The following HS3ST4 variants were observed in gnomAD, a reference collection of about 807,000 sequenced individuals.
The protein encoded by HS3ST4 is heparan sulfate-glucosamine 3-sulfotransferase 4, also known as heparan sulfate glucosamine 3-O-sulfotransferase 4.
A neutral mutation model predicts 29.2 loss-of-function variants in HS3ST4; 17 were observed. The observed-to-expected ratio is 0.58, with a 90% confidence interval of 0.40 to 0.87. HS3ST4 has a LOEUF of 0.87. Ranked by LOEUF, HS3ST4 falls within the 40% of genes least tolerant of loss-of-function variation. The probability of loss-of-function intolerance (pLI) is 0.00; values close to 1 mark genes in which losing one functional copy is unlikely to be tolerated. For missense variants in HS3ST4, 627 were observed against 634.5 expected (o/e 0.99, Z 0.13); for synonymous variants, 314 against 285.7 (o/e 1.10, Z -1.00).
chr16:25,964,148 C>A (rs1310971761), intron 1 of HS3ST4, among the ~76,000 whole-genome samples: 6 of 150,742 alleles, frequency 4.0e-5, no homozygotes, highest in Admixed American at 3.3e-4. Context: ...GCACTCCAGC[C>A]TGAGTGACAA....
chr16:25,946,856 G>C (rs1187141951), intron 1 of HS3ST4, among the ~76,000 whole-genome samples: 1 of 152,102 alleles, frequency 6.6e-6, no homozygotes, highest in Non-Finnish European at 1.5e-5. Context: ...AGGAAGGCAG[G>C]TGCAAAAGTC....
At chr16:25,722,227 A>G (rs138180878) in intron 1 of HS3ST4, among the ~76,000 whole-genome samples, 3 of 152,318 alleles carry the variant, frequency 2.0e-5, no homozygotes, top group African/African-American at 7.2e-5. Flanking sequence ...TTACAGTGCA[A>G]ATGGTTTTCA....
chr16:25,719,614 T>G (rs1462569088), intron 1 of HS3ST4, among the ~76,000 whole-genome samples: 1 of 152,224 alleles, frequency 6.6e-6, no homozygotes, highest in African/African-American at 2.4e-5. Context: ...TATAGTTTGT[T>G]GCAGCATGAA....
chr16:25,718,848 G>T (rs943436433), intron 1 of HS3ST4, among the ~76,000 whole-genome samples: 2 of 152,234 alleles, frequency 1.3e-5, no homozygotes, highest in African/African-American at 4.8e-5. Flanking sequence ...TGGTGATTTT[G>T]CACAGGGAGT....
At chr16:26,109,812 A>C (rs1406596023) in intron 1 of HS3ST4, among the ~76,000 whole-genome samples, 2 of 151,908 alleles carry the variant, frequency 1.3e-5, no homozygotes. Flanking sequence ...AGTATTTATC[A>C]CATACAATGT....
At position 25,742,788 on chromosome 16, in the gene HS3ST4, C is replaced by A. The variant is rs181148373; in HGVS notation, c.734+49637C>A. On this transcript the variant is annotated intron_variant, in intron 1 of 1. Transcript: ENST00000331351. ...GTATCTGCCATCCTCTGCTTTCAAC[C>A]TTCTCAAATATGAATGCTTCATAAC... 6.6e-5 allele frequency among the ~76,000 whole-genome samples: 10 copies of A among 152,300 alleles called. No homozygotes were observed. The East Asian group carries it at 1.5e-3, about 24-fold the overall frequency.
chr16:26,085,245 A>G (rs1447703879), intron 1 of HS3ST4, among the ~76,000 whole-genome samples: 1 of 152,204 alleles, frequency 6.6e-6, no homozygotes, highest in East Asian at 1.9e-4. Flanking sequence ...CACAACAGTA[A>G]CACCCACTTC....
At chr16:26,059,163 A>T (rs1196038095) in intron 1 of HS3ST4, among the ~76,000 whole-genome samples, 1 of 152,216 alleles carries the variant, frequency 6.6e-6, no homozygotes, top group Admixed American at 6.5e-5. Context: ...AGGCGATGGC[A>T]GAGTGGAGGC....
At chr16:25,754,327 C>A (rs1183243063) in intron 1 of HS3ST4, among the ~76,000 whole-genome samples, 1 of 151,760 alleles carries the variant, frequency 6.6e-6, no homozygotes, top group Non-Finnish European at 1.5e-5. Flanking sequence ...CATCCATCCA[C>A]CCACCCACCC....
At chr16:25,903,342 TTATATATATGTATATGTATATCTTA>T (rs1306869550) in intron 1 of HS3ST4, among the ~76,000 whole-genome samples, 36 of 141,708 alleles carry the variant, frequency 2.5e-4, no homozygotes, top group Non-Finnish European at 3.8e-4. Context: ...TATGTATATA[TTATATATATGTATATGTATATCTTA>T]TATATATATA....
In HS3ST4 at chr16:25,692,351, G is replaced by T; in HGVS notation, c.-67G>T. Reference sequence around the variant, plus strand: ...GGCGGCGGCGGCGGGGGCGGCGGCTGAAACCATGTCCGGGCAGCGCCGGGG... The same window carrying T: ...GGCGGCGGCGGCGGGGGCGGCGGCTTAAACCATGTCCGGGCAGCGCCGGGG... On this transcript the variant is annotated 5_prime_UTR_variant, in exon 1 of 2. The change creates a premature stop within an existing upstream ORF in the 5' untranslated region. Transcript: ENST00000331351. The T allele has an allele frequency of 5.4e-6, 1 of 185,646 alleles. No individual in the cohort carries two copies. Among genetic ancestry groups the T allele is most frequent in the Non-Finnish European group, 9.4e-6 (1 of 105,880 alleles). The allele number at this position is 185,646 out of a possible 1,614,324, so 11.5% of individuals were successfully genotyped here.
At chr16:25,955,770 A>C (rs1362606010) in intron 1 of HS3ST4, among the ~76,000 whole-genome samples, 3 of 151,454 alleles carry the variant, frequency 2.0e-5, no homozygotes, top group Non-Finnish European at 4.4e-5. Context: ...TGTAGCTTGC[A>C]GTGTTTTGGG....
At chr16:25,881,126 T>TA (rs1393451070) in intron 1 of HS3ST4, among the ~76,000 whole-genome samples, 2 of 152,068 alleles carry the variant, frequency 1.3e-5, no homozygotes, top group Non-Finnish European at 2.9e-5. Context: ...AGGGATGTCC[T>TA]AGTGGAAAAA....
chr16:25,956,338 T>C (rs1194340725), intron 1 of HS3ST4, among the ~76,000 whole-genome samples: 1 of 152,204 alleles, frequency 6.6e-6, no homozygotes, highest in Non-Finnish European at 1.5e-5. Flanking sequence ...GCAGCCCATG[T>C]TGGTAACCTA....
intron 1 of HS3ST4, 95 bp downstream of exon 1, chr16:25,693,246 G>T: frequency 1.5e-6 from 2 of 1,330,426 alleles, no homozygotes; most frequent in Non-Finnish European, 2.0e-6. Flanking sequence ...TCCAGGCACC[G>T]TCCCGAGAGG....
At chr16:26,053,791 G>A (rs1481080221) in intron 1 of HS3ST4, among the ~76,000 whole-genome samples, 1 of 152,106 alleles carries the variant, frequency 6.6e-6, no homozygotes, top group Non-Finnish European at 1.5e-5. Flanking sequence ...ACCATTTACT[G>A]TGGATATTTT....
chr16:26,024,525 A>C (rs1224957958), intron 1 of HS3ST4, among the ~76,000 whole-genome samples: 1 of 152,118 alleles, frequency 6.6e-6, no homozygotes, highest in African/African-American at 2.4e-5. Context: ...TGAGGTCAGG[A>C]GTTCAAGACC....
chr16:25,854,789 C>A (rs375739919), intron 1 of HS3ST4, among the ~76,000 whole-genome samples: 308 of 137,954 alleles, frequency 2.2e-3, no homozygotes, highest in Middle Eastern at 3.8e-3. Context: ...TGTTTGTTGA[C>A]AAAAAAAAAA....
At chr16:25,865,825 A>G (rs1417112178) in intron 1 of HS3ST4, among the ~76,000 whole-genome samples, 1 of 152,196 alleles carries the variant, frequency 6.6e-6, no homozygotes. Context: ...AATCAACTCA[A>G]AAGGGATTAA....
Sources: allele counts gnomAD v4.1 joint callset (sites outside exome capture counted in the v4.1 genomes callset), GRCh38; gene constraint gnomAD v4.1.1; transcripts MANE v1.5; gene names NCBI Gene and HGNC (gene_info 2026-07-23, HGNC 2026-07-21).